CPNE4: variants seen among roughly 807,000 people sequenced by gnomAD.
CPNE4 encodes copine 4.
Under a neutral mutation model 67.9 loss-of-function variants are expected in CPNE4, and 25 were observed. That is an observed-to-expected ratio of 0.37 (90% CI 0.27 to 0.51). The LOEUF (loss-of-function observed/expected upper bound fraction) is 0.51, where lower values mean the gene tolerates loss of function less well. Ranked by LOEUF, CPNE4 falls within the 20% of genes least tolerant of loss-of-function variation. The probability of loss-of-function intolerance (pLI) is 0.93; values close to 1 mark genes in which losing one functional copy is unlikely to be tolerated. For synonymous variants in CPNE4, 242 were observed against 244.9 expected (o/e 0.99, Z 0.11); for missense variants, 464 against 690.8 (o/e 0.67, Z 3.68).
chr3:131,969,625 G>A (rs1462390861), intron 1 of CPNE4, among the ~76,000 whole-genome samples: 1 of 151,668 alleles, frequency 6.6e-6, no homozygotes, highest in Admixed American at 6.6e-5. Context: ...GTGGAGACTC[G>A]GTAACTTACC....
intron 1 of CPNE4, among the ~76,000 whole-genome samples, chr3:131,929,419 T>C (rs908250400): frequency 6.6e-6 from 1 of 152,136 alleles, no homozygotes; most frequent in African/African-American, 2.4e-5. Flanking sequence ...ACCCTTCTTA[T>C]TCCTTCTTGG....
chr3:131,843,874 G>A (rs72989508), intron 2 of CPNE4, among the ~76,000 whole-genome samples: 5,257 of 152,222 alleles, frequency 0.035, 227 homozygotes, highest in African/African-American at 0.099. Flanking sequence ...GGAGGAGATT[G>A]AGGGGATGTA....
chr3:131,877,519 A>G (rs1167169524), intron 2 of CPNE4, among the ~76,000 whole-genome samples: 1 of 152,166 alleles, frequency 6.6e-6, no homozygotes, highest in African/African-American at 2.4e-5. Flanking sequence ...CAGGGATGCA[A>G]TGTTGATTGC....
chr3:131,684,341 G>A (rs1175391538), intron 6 of CPNE4, among the ~76,000 whole-genome samples: 2 of 152,080 alleles, frequency 1.3e-5, no homozygotes, highest in African/African-American at 4.8e-5. Context: ...TGCCACTCAG[G>A]GCAACTGTGC....
chr3:131,566,547 CA>C (rs1192507797), intron 10 of CPNE4, among the ~76,000 whole-genome samples: 1 of 151,796 alleles, frequency 6.6e-6, no homozygotes, highest in Admixed American at 6.6e-5. Flanking sequence ...AGGTGAAGAG[CA>C]CCTCAGGATC....
At chr3:131,823,769 C>T (rs1393144319) in intron 2 of CPNE4, among the ~76,000 whole-genome samples, 1 of 152,130 alleles carries the variant, frequency 6.6e-6, no homozygotes, top group Non-Finnish European at 1.5e-5. Context: ...GACCATATAT[C>T]AAAACAATAT....
chr3:131,579,732 C>A (rs1200192260), intron 9 of CPNE4, among the ~76,000 whole-genome samples: 2 of 152,042 alleles, frequency 1.3e-5, no homozygotes, highest in African/African-American at 4.8e-5. Context: ...GCAAGGGAAC[C>A]GGAATTATAA....
intron 2 of CPNE4, among the ~76,000 whole-genome samples, chr3:131,774,254 C>G (rs914537726): frequency 6.6e-6 from 1 of 151,698 alleles, no homozygotes; most frequent in African/African-American, 2.4e-5. Context: ...AGATGAGGCT[C>G]TATCTAGTTC....
intron 11 of CPNE4, among the ~76,000 whole-genome samples, chr3:131,563,363 AT>A (rs1299633219): frequency 6.6e-6 from 1 of 152,016 alleles, no homozygotes; most frequent in African/African-American, 2.4e-5. Flanking sequence ...CATTGGTTTC[AT>A]TTCAAAAAGC....
At chr3:131,558,855 CT>C (rs772079177) in intron 11 of CPNE4, among the ~76,000 whole-genome samples, 2,360 of 147,296 alleles carry the variant, frequency 0.016, 55 homozygotes, top group African/African-American at 0.052. Flanking sequence ...GAGGACATGG[CT>C]TTTTTTTTTA....
Position 131,809,374 on chromosome 3 carries a change from G to A in CPNE4, c.181-85749C>T, listed in dbSNP as rs564633431. On this transcript the variant is annotated intron_variant, in intron 2 of 15. Transcript: ENST00000429747. ...GATCCTCCAGAGGGAACACAGCTCT[G>A]TTAACACCTTGATTTTAGCCAGTGA... Among the ~76,000 whole-genome samples the A allele has an allele frequency of 2.0e-5, 3 of 152,222 alleles. No individual in the cohort carries two copies. The South Asian group carries it at 6.2e-4, about 32-fold the overall frequency.
intron 1 of CPNE4, among the ~76,000 whole-genome samples, chr3:132,021,128 A>G (rs2073986432): frequency 6.6e-6 from 1 of 152,190 alleles, no homozygotes; most frequent in Non-Finnish European, 1.5e-5. Context: ...CAGAGAATCA[A>G]AAGTGTTTAC....
At chr3:131,792,691 A>G (rs1403170059) in intron 2 of CPNE4, among the ~76,000 whole-genome samples, 1 of 71,544 alleles carries the variant, frequency 1.4e-5, no homozygotes, top group Non-Finnish European at 2.7e-5. Context: ...ACACGTGTAT[A>G]TATACATATA....
intron 2 of CPNE4, among the ~76,000 whole-genome samples, chr3:131,814,839 C>T (rs1438135336): frequency 1.5e-5 from 2 of 136,136 alleles, no homozygotes; most frequent in East Asian, 1.9e-4. Context: ...CTCCTGACCT[C>T]GTGATCCGCC....
chr3:131,906,257 TTTA>T (rs1253329014), intron 1 of CPNE4, among the ~76,000 whole-genome samples: 9 of 152,186 alleles, frequency 5.9e-5, no homozygotes, highest in Middle Eastern at 3.4e-3. Flanking sequence ...GTTTTTTTGT[TTTA>T]TTATTATTAT....
At chr3:131,803,654 TA>T (rs2084210881) in intron 2 of CPNE4, among the ~76,000 whole-genome samples, 1 of 152,210 alleles carries the variant, frequency 6.6e-6, no homozygotes, top group Non-Finnish European at 1.5e-5. Flanking sequence ...TGAAAACCCA[TA>T]CTTTAGACAA....
chr3:131,847,210 G>A (rs1396082056), intron 2 of CPNE4, among the ~76,000 whole-genome samples: 1 of 152,150 alleles, frequency 6.6e-6, no homozygotes, highest in African/African-American at 2.4e-5. Context: ...GGCTAGACCT[G>A]GGTCCACTTG....
intron 14 of CPNE4, among the ~76,000 whole-genome samples, chr3:131,548,243 T>TCA (rs1553724786): frequency 2.0e-5 from 3 of 151,866 alleles, no homozygotes; most frequent in Non-Finnish European, 2.9e-5. Flanking sequence ...GTACTTTTCA[T>TCA]TATATATATA....
chr3:131,768,490 G>A (rs535034693), intron 2 of CPNE4, among the ~76,000 whole-genome samples: 34 of 152,028 alleles, frequency 2.2e-4, no homozygotes, highest in Non-Finnish European at 4.7e-4. Context: ...GTATCAGATA[G>A]AATCTTTCAA....
Sources: gnomAD v4.1 joint callset for allele counts (sites outside exome capture counted in the v4.1 genomes callset) on GRCh38, gnomAD v4.1.1 for gene constraint, MANE v1.5 for transcripts, NCBI Gene and HGNC (gene_info 2026-07-23, HGNC 2026-07-21) for gene names.